Variants in PRELID2 observed in about 807,000 individuals in gnomAD.
PRELID2 encodes the protein PRELI domain containing 2, also known as PRELI domain-containing protein 2.
A neutral mutation model predicts 28.4 loss-of-function variants in PRELID2; 25 were observed. That is an observed-to-expected ratio of 0.88 (90% CI 0.64 to 1.23). The LOEUF (loss-of-function observed/expected upper bound fraction) is 1.23, where lower values mean the gene tolerates loss of function less well. Among genes scored for constraint, PRELID2 ranks in the 50% most tolerant of loss-of-function variants. The pLI, the probability that PRELID2 is intolerant of heterozygous loss-of-function variation, is 0.00. For synonymous variants in PRELID2, 76 were observed against 71.6 expected (o/e 1.06, Z -0.31); for missense variants, 201 against 214.4 (o/e 0.94, Z 0.39).
At chr5:145,641,848 TC>T (rs1754112684) in intron 1 of PRELID2, among the ~76,000 whole-genome samples, 1 of 152,102 alleles carries the variant, frequency 6.6e-6, no homozygotes, top group South Asian at 2.1e-4. Flanking sequence ...CATGAACTCA[TC>T]CTTTTTATGG....
intron 1 of PRELID2, among the ~76,000 whole-genome samples, chr5:145,825,412 C>T (rs13155845): frequency 0.15 from 22,117 of 151,928 alleles, 1,794 homozygotes; most frequent in East Asian, 0.21. Context: ...GAGACTCACA[C>T]AGGTCCTCTG....
chr5:145,777,756 T>C (rs1026623026), intron 5 of PRELID2, among the ~76,000 whole-genome samples: 4 of 151,852 alleles, frequency 2.6e-5, no homozygotes, highest in African/African-American at 9.7e-5. Context: ...CCTGCCCCCA[T>C]GGGCACAGCT....
chr5:145,488,312 T>C (rs1377381266), intron 1 of PRELID2, among the ~76,000 whole-genome samples: 1 of 152,058 alleles, frequency 6.6e-6, no homozygotes, highest in African/African-American at 2.4e-5. Context: ...ATCAGATACA[T>C]GCAAAGGGAA....
intron 1 of PRELID2, among the ~76,000 whole-genome samples, chr5:145,585,157 C>T (rs1269990585): frequency 6.6e-6 from 1 of 152,054 alleles, no homozygotes; most frequent in Non-Finnish European, 1.5e-5. Context: ...GAGGTGGAAG[C>T]CATTATCCTC....
the PRELID2 span, among the ~76,000 whole-genome samples, chr5:145,231,298 T>C: frequency 2.0e-5 from 3 of 152,124 alleles, no homozygotes; most frequent in African/African-American, 7.2e-5. Flanking sequence ...CAGGTGGTAT[T>C]TGGTTACATA....
intron 1 of PRELID2, among the ~76,000 whole-genome samples, chr5:145,657,143 TCAAA>T (rs938845002): frequency 1.3e-5 from 2 of 152,100 alleles, no homozygotes; most frequent in African/African-American, 4.8e-5. Context: ...AGGAAATGGG[TCAAA>T]CAGATAATAA....
At chr5:145,609,114 AT>A (rs1332112051) in intron 1 of PRELID2, among the ~76,000 whole-genome samples, 2 of 152,154 alleles carry the variant, frequency 1.3e-5, no homozygotes, top group Admixed American at 1.3e-4. Context: ...CTATCAGTTC[AT>A]TTTGGTTCTT....
the PRELID2 span, among the ~76,000 whole-genome samples, chr5:145,251,280 T>G: frequency 5.3e-4 from 81 of 152,260 alleles, no homozygotes; most frequent in African/African-American, 1.9e-3. Flanking sequence ...TAGTAAATTA[T>G]TTTCCCACTT....
Position 145,750,782 on chromosome 5 carries a change from T to C in PRELID2, n.70+14149A>G, listed in dbSNP as rs555892838. Among the ~76,000 whole-genome samples, 5 of 152,322 alleles carry C rather than the reference T, an allele frequency of 3.3e-5. No homozygotes were observed. In the South Asian group the frequency reaches 1.0e-3, roughly 32 times the overall value. On this transcript the variant is annotated intron_variant and non_coding_transcript_variant, in intron 1 of 2. Transcript: ENST00000510259. ...GAATAAACCAGAAAAGAGGTGTTAT[T>C]GGAAATGGTAAGAGCATCACTAAAG...
intron 1 of PRELID2, among the ~76,000 whole-genome samples, chr5:145,643,106 C>T (rs957345336): frequency 6.6e-6 from 1 of 152,100 alleles, no homozygotes; most frequent in Non-Finnish European, 1.5e-5. Context: ...TTACTTTGGG[C>T]AGTATGGCCA....
intron 1 of PRELID2, among the ~76,000 whole-genome samples, chr5:145,571,384 C>A (rs1186820134): frequency 6.6e-6 from 1 of 152,190 alleles, no homozygotes; most frequent in Non-Finnish European, 1.5e-5. Flanking sequence ...AATTCAGGCA[C>A]AACTGACCAG....
At chr5:145,790,701 TTGTGTG>T (rs148531864) in intron 5 of PRELID2, among the ~76,000 whole-genome samples, 2 of 104,946 alleles carry the variant, frequency 1.9e-5, no homozygotes, top group African/African-American at 6.3e-5. Context: ...TAATTCCACA[TTGTGTG>T]TGTGTGTGTG....
the PRELID2 span, among the ~76,000 whole-genome samples, chr5:145,321,681 T>C: frequency 1.3e-5 from 2 of 152,340 alleles, no homozygotes; most frequent in South Asian, 4.1e-4. Flanking sequence ...CATCAAGCCA[T>C]AGCAATTGTC....
intron 1 of PRELID2, among the ~76,000 whole-genome samples, chr5:145,641,916 G>A (rs1430759695): frequency 6.6e-6 from 1 of 152,150 alleles, no homozygotes; most frequent in Non-Finnish European, 1.5e-5. Flanking sequence ...ATCTATCCTT[G>A]ATGGACATTT....
At chr5:145,417,680 T>A in the PRELID2 span, among the ~76,000 whole-genome samples, 1 of 152,270 alleles carries the variant, frequency 6.6e-6, no homozygotes, top group East Asian at 1.9e-4. Flanking sequence ...GAAAAAGCCT[T>A]TGACAAAATT....
intron 1 of PRELID2, among the ~76,000 whole-genome samples, chr5:145,617,116 A>G (rs1753709521): frequency 6.6e-6 from 1 of 152,160 alleles, no homozygotes; most frequent in African/African-American, 2.4e-5. Context: ...TTCCCTGAAC[A>G]TTGCTGTTAT....
At chr5:145,342,785 G>T in the PRELID2 span, among the ~76,000 whole-genome samples, 4 of 148,124 alleles carry the variant, frequency 2.7e-5, 1 homozygote, top group East Asian at 7.9e-4. Context: ...TATCAGTAAA[G>T]ATACATATAG....
the PRELID2 span, among the ~76,000 whole-genome samples, chr5:145,446,521 A>G: frequency 6.6e-6 from 1 of 152,126 alleles, no homozygotes; most frequent in African/African-American, 2.4e-5. Flanking sequence ...CCTCATGTGC[A>G]AAAGATCCTG....
intron 5 of PRELID2, among the ~76,000 whole-genome samples, chr5:145,788,561 G>T (rs1169010126): frequency 6.6e-6 from 1 of 152,108 alleles, no homozygotes; most frequent in African/African-American, 2.4e-5. Flanking sequence ...CACAGAAATG[G>T]TATACCCCAT....
Sources: gnomAD v4.1 joint callset for allele counts (sites outside exome capture counted in the v4.1 genomes callset) on GRCh38, gnomAD v4.1.1 for gene constraint, MANE v1.5 for transcripts, NCBI Gene and HGNC (gene_info 2026-07-23, HGNC 2026-07-21) for gene names.